The following PCDH15 variants were observed in gnomAD, a reference collection of about 807,000 sequenced individuals.
PCDH15 encodes the protein protocadherin-15.
Under a neutral mutation model 178.5 loss-of-function variants are expected in PCDH15, and 129 were observed. That is an observed-to-expected ratio of 0.72 (90% confidence interval 0.63 to 0.84). PCDH15 has a LOEUF of 0.84. Among genes scored for constraint, PCDH15 ranks in the 40% least tolerant of loss-of-function variants. The pLI, the probability that PCDH15 is intolerant of heterozygous loss-of-function variation, is 0.00. For synonymous variants in PCDH15, 800 were observed against 732.0 expected (o/e 1.09, Z -1.50); for missense variants, 2,230 against 2,099.9 (o/e 1.06, Z -1.21).
Position 54,298,843 on chromosome 10 carries a change from G to A in PCDH15, c.876+18428C>T, listed in dbSNP as rs193066659. Among the ~76,000 whole-genome samples the A allele has an allele frequency of 1.6e-3, 240 of 152,344 alleles. 1 individual carries two copies. Among genetic ancestry groups the A allele is most frequent in the African/African-American group, 3.5e-3 (145 of 41,574 alleles). ...TCCGTTACCATCCAAGGAATCCTGG[G>A]AGAGCCTGTAACCAGGTATTTCTCC... is the stretch of plus-strand genomic sequence containing the variant. On this transcript the variant is annotated intron_variant, in intron 8 of 37. Coordinates refer to ENST00000644397, the MANE Select transcript of PCDH15 (RefSeq NM_001384140.1).
At chr10:53,813,592 G>GAAC (rs1433059788) in intron 35 of PCDH15, among the ~76,000 whole-genome samples, 6 of 152,090 alleles carry the variant, frequency 3.9e-5, no homozygotes, top group African/African-American at 1.4e-4. Flanking sequence ...TTCTTTCACA[G>GAAC]AACTTAAATT....
chr10:54,344,754 G>A (rs2583024), intron 6 of PCDH15, among the ~76,000 whole-genome samples: 49,368 of 151,242 alleles, frequency 0.33, 9,106 homozygotes, highest in African/African-American at 0.51. Context: ...CATTTCTGCT[G>A]CCCTTTTCTT....
At chr10:54,622,599 A>T (rs57100654) in intron 2 of PCDH15, among the ~76,000 whole-genome samples, 519 of 46,286 alleles carry the variant, frequency 0.011, 13 homozygotes, top group African/African-American at 0.04. Flanking sequence ...TATAATATAT[A>T]ATATATATAA....
chr10:55,130,752 C>T (rs1838021291), intron 2 of PCDH15, among the ~76,000 whole-genome samples: 1 of 150,008 alleles, frequency 6.7e-6, no homozygotes, highest in African/African-American at 2.5e-5. Context: ...TAACTAGGCA[C>T]TTCTAAGGAG....
chr10:54,449,322 G>A (rs1462987161), intron 3 of PCDH15, among the ~76,000 whole-genome samples: 1 of 151,696 alleles, frequency 6.6e-6, no homozygotes, highest in Non-Finnish European at 1.5e-5. Flanking sequence ...ATTACTAGGG[G>A]CAGGGGTGGT....
intron 2 of PCDH15, among the ~76,000 whole-genome samples, chr10:55,621,817 A>AG (rs1837395788): frequency 6.6e-6 from 1 of 151,332 alleles, no homozygotes; most frequent in Non-Finnish European, 1.5e-5. Context: ...CAAAAAAAAA[A>AG]GTTCAATAAA....
chr10:54,294,952 G>T (rs1048411720), intron 8 of PCDH15, among the ~76,000 whole-genome samples: 2 of 152,158 alleles, frequency 1.3e-5, no homozygotes, highest in South Asian at 4.1e-4. Context: ...AGATATAGTT[G>T]GTGCAAGTAT....
intron 2 of PCDH15, among the ~76,000 whole-genome samples, chr10:55,507,906 A>C (rs1840796988): frequency 6.6e-6 from 1 of 151,694 alleles, no homozygotes; most frequent in Admixed American, 6.6e-5. Context: ...TTAAAAAAAC[A>C]TGTAATCATT....
At position 54,610,135 on chromosome 10, in the gene PCDH15, C is replaced by G. The variant is rs568632205; in HGVS notation, c.91+54037G>C. Among the ~76,000 whole-genome samples, 42 of 151,966 alleles carry G rather than the reference C, an allele frequency of 2.8e-4. No homozygotes were observed. The East Asian group carries it at 6.0e-3, about 22-fold the overall frequency. ...GGGATGTGAATATAGCTGTTGAGCT[C>G]ATACTCTTGGAAGGTAAAGAGGCTT... On this transcript the variant is annotated intron_variant, in intron 2 of 37. Coordinates refer to ENST00000644397, the MANE Select transcript of PCDH15 (RefSeq NM_001384140.1).
intron 26 of PCDH15, among the ~76,000 whole-genome samples, chr10:53,872,981 G>T (rs981849616): frequency 6.6e-6 from 1 of 152,150 alleles, no homozygotes; most frequent in Non-Finnish European, 1.5e-5. Context: ...CATCCCTTCT[G>T]CATTTAATGC....
At chr10:54,720,688 A>G (rs12412677) in intron 1 of PCDH15, among the ~76,000 whole-genome samples, 20,705 of 148,898 alleles carry the variant, frequency 0.14, 1,495 homozygotes, top group East Asian at 0.25. Flanking sequence ...AACAAGGTTT[A>G]ACTATCTATC....
intron 2 of PCDH15, chr10:54,585,462 T>TA: frequency 5.7e-6 from 1 of 175,084 alleles, no homozygotes; most frequent in East Asian, 1.5e-4. Flanking sequence ...AGAGCTTTCT[T>TA]ACAATTATTA....
intron 2 of PCDH15, among the ~76,000 whole-genome samples, chr10:54,946,709 T>C (rs1591800134): frequency 6.6e-6 from 1 of 151,886 alleles, no homozygotes; most frequent in Admixed American, 6.6e-5. Context: ...ATCATAATTT[T>C]CTCTAGTAAA....
intron 1 of PCDH15, among the ~76,000 whole-genome samples, chr10:55,306,102 CATT>C (rs1843418335): frequency 1.3e-5 from 2 of 152,146 alleles, no homozygotes; most frequent in Non-Finnish European, 2.9e-5. Flanking sequence ...CCCAAGCTAT[CATT>C]AACATTGTGA....
intron 2 of PCDH15, among the ~76,000 whole-genome samples, chr10:54,995,391 C>CAAAAAAAAAA (rs10631856): frequency 1.6e-5 from 2 of 125,746 alleles, no homozygotes; most frequent in African/African-American, 6.2e-5. Flanking sequence ...GACTCCGTCT[C>CAAAAAAAAAA]AAAAAAAAAA....
At chr10:54,287,570 G>A (rs1406310911) in intron 8 of PCDH15, among the ~76,000 whole-genome samples, 2 of 151,324 alleles carry the variant, frequency 1.3e-5, no homozygotes, top group Non-Finnish European at 2.9e-5. Context: ...ATATCCTAGG[G>A]GTATATTTTT....
intron 2 of PCDH15, among the ~76,000 whole-genome samples, chr10:55,442,626 T>G (rs571929179): frequency 6.6e-6 from 1 of 150,888 alleles, no homozygotes; most frequent in African/African-American, 2.4e-5. Context: ...AGAATCAAGT[T>G]TCTGAAACTT....
At chr10:54,261,022 C>G (rs2132291261) in intron 8 of PCDH15, among the ~76,000 whole-genome samples, 1 of 152,248 alleles carries the variant, frequency 6.6e-6, no homozygotes, top group Non-Finnish European at 1.5e-5. Context: ...AATGTTCAAA[C>G]AGTTTATATT....
In PCDH15 at chr10:54,067,351, A is replaced by G. The variant is rs151092985; in HGVS notation, c.2092-466T>C. Among the ~76,000 whole-genome samples the G allele has an allele frequency of 1.2e-3, 179 of 152,326 alleles. 2 individuals are homozygous for G. The highest frequency in any genetic ancestry group is 4.1e-3 in the African/African-American group (171 of 41,578). On this transcript the variant is annotated intron_variant, in intron 17 of 37. Coordinates refer to ENST00000644397, the MANE Select transcript of PCDH15 (RefSeq NM_001384140.1). ...GAGCATTTTCTGGAAAGCTCATGCT[A>G]TCGAAAAATGCTACCTTAATAATTT...
Sources: gnomAD v4.1 joint callset for allele counts (sites outside exome capture counted in the v4.1 genomes callset) on GRCh38, gnomAD v4.1.1 for gene constraint, MANE v1.5 for transcripts, NCBI Gene and HGNC (gene_info 2026-07-23, HGNC 2026-07-21) for gene names.